LSAMP: variants seen among roughly 807,000 people sequenced by gnomAD.
LSAMP encodes the protein limbic system-associated membrane protein.
LSAMP carries 7 observed loss-of-function variants against 38.6 expected under a neutral mutation model. The observed-to-expected ratio is 0.18, with a 90% CI of 0.10 to 0.34. The LOEUF (loss-of-function observed/expected upper bound fraction) is 0.34, where lower values mean the gene tolerates loss of function less well. Among genes scored for constraint, LSAMP ranks in the 10% least tolerant of loss-of-function variants. The pLI is 1.00. For synonymous variants in LSAMP, 154 were observed against 166.8 expected (o/e 0.92, Z 0.59); for missense variants, 313 against 420.0 (o/e 0.75, Z 2.23).
At chr3:116,173,512 T>C (rs1453439815) in intron 1 of LSAMP, among the ~76,000 whole-genome samples, 3 of 152,040 alleles carry the variant, frequency 2.0e-5, no homozygotes, top group Non-Finnish European at 4.4e-5. Flanking sequence ...TGTAAATCAT[T>C]TTCTGTCACC....
intron 1 of LSAMP, among the ~76,000 whole-genome samples, chr3:116,110,809 G>A (rs1318880160): frequency 6.6e-6 from 1 of 152,148 alleles, no homozygotes; most frequent in African/African-American, 2.4e-5. Flanking sequence ...TTTCATGCGC[G>A]TCCGTGTGAA....
intron 3 of LSAMP, among the ~76,000 whole-genome samples, chr3:115,954,197 T>G (rs1016424247): frequency 6.6e-6 from 1 of 152,234 alleles, no homozygotes; most frequent in African/African-American, 2.4e-5. Context: ...ATTTGGAATG[T>G]CTGCAACTTT....
At chr3:116,367,476 C>A (rs2048369200) in intron 1 of LSAMP, among the ~76,000 whole-genome samples, 1 of 147,242 alleles carries the variant, frequency 6.8e-6, no homozygotes, top group Non-Finnish European at 1.5e-5. Context: ...GCTTTCTCTT[C>A]TTTACATTTA....
rs764176923 is a variant in LSAMP, at chr3:115,842,006, A to G, written c.771-13T>C. The G allele has an allele frequency of 2.5e-6, 4 of 1,604,160 alleles. No homozygotes were observed. The highest frequency in any genetic ancestry group is 2.2e-5 in the South Asian group (2 of 89,064). ...GGCACTATTTATCCTAAGAGTTCAAAAACAGAAGAATAGAAAGGATCACTG... is the reference window on the plus strand; with the variant it reads ...GGCACTATTTATCCTAAGAGTTCAAGAACAGAAGAATAGAAAGGATCACTG... On this transcript the variant is annotated splice_polypyrimidine_tract_variant and intron_variant, in intron 5 of 6. Transcript: ENST00000490035.
chr3:116,309,864 C>T (rs987309053), intron 1 of LSAMP, among the ~76,000 whole-genome samples: 3 of 152,142 alleles, frequency 2.0e-5, no homozygotes, highest in African/African-American at 7.2e-5. Context: ...CTTAGTCTGC[C>T]AGCCAAGACT....
At chr3:115,934,215 G>A (rs1396773353) in intron 3 of LSAMP, among the ~76,000 whole-genome samples, 2 of 147,170 alleles carry the variant, frequency 1.4e-5, no homozygotes, top group Non-Finnish European at 3.0e-5. Flanking sequence ...GTGTCACTCT[G>A]TCACCCAGGC....
At chr3:116,178,192 G>A (rs1443984059) in intron 1 of LSAMP, among the ~76,000 whole-genome samples, 1 of 151,774 alleles carries the variant, frequency 6.6e-6, no homozygotes, top group Admixed American at 6.6e-5. Context: ...ATTTTGACAG[G>A]GTTTCGCTCT....
At chr3:116,339,870 G>A (rs2047970048) in intron 1 of LSAMP, among the ~76,000 whole-genome samples, 2 of 152,000 alleles carry the variant, frequency 1.3e-5, no homozygotes, top group Admixed American at 6.6e-5. Context: ...CAACCACTGA[G>A]CCATTCAAAG....
At chr3:116,323,881 T>A (rs1246341918) in intron 1 of LSAMP, among the ~76,000 whole-genome samples, 1 of 152,184 alleles carries the variant, frequency 6.6e-6, no homozygotes, top group Non-Finnish European at 1.5e-5. Context: ...ATGTAAGAAC[T>A]GAAGATCCAA....
At chr3:115,949,398 TTTTA>T (rs56354193) in intron 3 of LSAMP, among the ~76,000 whole-genome samples, 23,223 of 151,866 alleles carry the variant, frequency 0.15, 2,085 homozygotes, top group Admixed American at 0.22. Flanking sequence ...AGTTTTTTTG[TTTTA>T]TTTATTTATT....
intron 1 of LSAMP, among the ~76,000 whole-genome samples, chr3:116,280,492 T>G (rs997092580): frequency 6.6e-6 from 1 of 152,254 alleles, no homozygotes; most frequent in Non-Finnish European, 1.5e-5. Flanking sequence ...GCAGCTTGGC[T>G]GCGGGTCAGG....
chr3:115,963,874 C>T (rs1938706351), intron 3 of LSAMP, among the ~76,000 whole-genome samples: 5 of 152,178 alleles, frequency 3.3e-5, no homozygotes, highest in Admixed American at 2.0e-4. Flanking sequence ...CCACCTCAGC[C>T]TCCCAAATAG....
chr3:116,302,633 G>A (rs1401567753), intron 1 of LSAMP, among the ~76,000 whole-genome samples: 1 of 152,166 alleles, frequency 6.6e-6, no homozygotes, highest in Non-Finnish European at 1.5e-5. Flanking sequence ...AGATGGCTAT[G>A]GTGTTTTATC....
At chr3:116,311,737 A>G (rs953111522) in intron 1 of LSAMP, among the ~76,000 whole-genome samples, 1 of 152,216 alleles carries the variant, frequency 6.6e-6, no homozygotes, top group African/African-American at 2.4e-5. Flanking sequence ...TGTACAATTT[A>G]AATAAGGTGA....
chr3:116,147,418 C>A (rs906441096), intron 1 of LSAMP, among the ~76,000 whole-genome samples: 9 of 151,852 alleles, frequency 5.9e-5, no homozygotes, highest in Non-Finnish European at 2.9e-5. Flanking sequence ...GGCATATATT[C>A]TCCAATATTT....
At chr3:115,849,941 C>T (rs996882331) in intron 4 of LSAMP, among the ~76,000 whole-genome samples, 2 of 152,152 alleles carry the variant, frequency 1.3e-5, no homozygotes, top group African/African-American at 4.8e-5. Context: ...GTGAATTTTT[C>T]ACCTACTTAT....
intron 3 of LSAMP, among the ~76,000 whole-genome samples, chr3:116,002,944 A>G (rs547351434): frequency 1.6e-4 from 25 of 152,342 alleles, no homozygotes; most frequent in African/African-American, 6.0e-4. Context: ...TGCTATAACT[A>G]AAGTGCTAGG....
intron 1 of LSAMP, among the ~76,000 whole-genome samples, chr3:116,273,620 G>GA (rs1244032211): frequency 7.0e-6 from 1 of 142,710 alleles, no homozygotes; most frequent in Non-Finnish European, 1.5e-5. Flanking sequence ...CCCACGGTAG[G>GA]AAGATGTTTG....
At chr3:116,135,272 G>A (rs893516134) in intron 1 of LSAMP, among the ~76,000 whole-genome samples, 1 of 152,114 alleles carries the variant, frequency 6.6e-6, no homozygotes, top group African/African-American at 2.4e-5. Context: ...CCAACTAGAA[G>A]CAAATATCTG....
Sources: gnomAD v4.1 joint callset for allele counts (sites outside exome capture counted in the v4.1 genomes callset) on GRCh38, gnomAD v4.1.1 for gene constraint, MANE v1.5 for transcripts, NCBI Gene and HGNC (gene_info 2026-07-23, HGNC 2026-07-21) for gene names.